MAP4: variants seen among roughly 807,000 people sequenced by gnomAD.
The protein encoded by MAP4 is microtubule-associated protein 4.
Under a neutral mutation model 170.2 loss-of-function variants are expected in MAP4, and 76 were observed. The observed-to-expected ratio is 0.45, with a 90% CI of 0.37 to 0.54. MAP4 has a LOEUF of 0.54. Ranked by LOEUF, MAP4 falls within the 20% of genes least tolerant of loss-of-function variation. The pLI is 0.00. For missense variants in MAP4, 2,506 were observed against 2,748.0 expected (o/e 0.91, Z 1.97); for synonymous variants, 909 against 994.5 (o/e 0.91, Z 1.62).
chr3:47,865,394 T>G (rs1005760044), intron 17 of MAP4, among the ~76,000 whole-genome samples: 2 of 152,166 alleles, frequency 1.3e-5, no homozygotes, highest in Admixed American at 6.5e-5. Context: ...CTTCAGCTGA[T>G]CCTATTCCAG....
At chr3:47,894,043 CATGATG>C (rs1336079788) in intron 10 of MAP4, among the ~76,000 whole-genome samples, 5 of 151,634 alleles carry the variant, frequency 3.3e-5, no homozygotes, top group African/African-American at 7.3e-5. Flanking sequence ...GGGCTACACT[CATGATG>C]ATGAGTGGCA....
intron 1 of MAP4, among the ~76,000 whole-genome samples, chr3:48,072,881 C>A (rs1438631843): frequency 6.6e-6 from 1 of 152,132 alleles, no homozygotes; most frequent in Non-Finnish European, 1.5e-5. Flanking sequence ...GAAAGAGAAA[C>A]AAGAAATGAA....
At chr3:47,974,565 G>T (rs1362008659) in intron 3 of MAP4, 4 of 971,040 alleles carry the variant, frequency 4.1e-6, no homozygotes, top group Non-Finnish European at 4.9e-6. Context: ...AAGTATTTCA[G>T]ATTTTAAACC....
chr3:47,988,519 G>C (rs2100090292), intron 2 of MAP4, among the ~76,000 whole-genome samples: 1 of 152,138 alleles, frequency 6.6e-6, no homozygotes, highest in African/African-American at 2.4e-5. Flanking sequence ...TATGACTTAT[G>C]AATATGAACA....
intron 19 of MAP4, among the ~76,000 whole-genome samples, chr3:47,853,973 A>G (rs991717081): frequency 1.3e-5 from 2 of 152,206 alleles, no homozygotes; most frequent in Middle Eastern, 6.3e-3. Flanking sequence ...GGGGACATGG[A>G]ACACTCAGTG....
At position 48,062,369 on chromosome 3, in the gene MAP4, G is replaced by A. The variant is rs374080147; in HGVS notation, c.-20+26404C>T. Among the ~76,000 whole-genome samples, 31 of 151,058 alleles carry A rather than the reference G, an allele frequency of 2.1e-4. No homozygotes were observed. In the East Asian group the frequency reaches 4.5e-3, roughly 22 times the overall value. On this transcript the variant is annotated intron_variant, in intron 1 of 18. Coordinates refer to the MAP4 transcript ENST00000360240. ...AGGGACACAAACACTGCGGAAGGCC[G>A]CAGGGTCCTCTGCCTAGGAAAACCA... is the stretch of plus-strand genomic sequence containing the variant.
At chr3:47,947,585 G>T (rs1439554065) in intron 3 of MAP4, among the ~76,000 whole-genome samples, 1 of 151,978 alleles carries the variant, frequency 6.6e-6, no homozygotes, top group Admixed American at 6.6e-5. Context: ...GGCCGAGGAG[G>T]GCAAACTGCC....
At chr3:47,973,413 CT>C (rs894814561) in intron 3 of MAP4, 2 of 985,194 alleles carry the variant, frequency 2.0e-6, no homozygotes, top group African/African-American at 1.7e-5. Context: ...CATTATGGGA[CT>C]GGCTACTTTG....
At chr3:48,017,225 A>T (rs532961403), upstream of MAP4, among the ~76,000 whole-genome samples, 1 of 152,312 alleles carries the variant, frequency 6.6e-6, no homozygotes, top group South Asian at 2.1e-4. Context: ...AACACCAAAA[A>T]CAGAAGCAGA....
chr3:47,948,294 T>A (rs1235809275), intron 3 of MAP4, among the ~76,000 whole-genome samples: 2 of 149,738 alleles, frequency 1.3e-5, no homozygotes, highest in African/African-American at 4.9e-5. Flanking sequence ...AGTGCAGTGT[T>A]GTGATCATAA....
intron 10 of MAP4, among the ~76,000 whole-genome samples, chr3:47,882,501 A>G (rs927840890): frequency 1.4e-5 from 2 of 146,662 alleles, no homozygotes; most frequent in Non-Finnish European, 2.9e-5. Context: ...TTAGAATTCT[A>G]TTTTTATTAA....
At chr3:47,923,015 A>T (rs940863393) in intron 4 of MAP4, among the ~76,000 whole-genome samples, 1 of 151,984 alleles carries the variant, frequency 6.6e-6, no homozygotes, top group Non-Finnish European at 1.5e-5. Flanking sequence ...GCGCCACTGC[A>T]CTCCAGCCTG....
intron 10 of MAP4, among the ~76,000 whole-genome samples, chr3:47,889,723 A>G (rs1207636776): frequency 6.6e-6 from 1 of 152,172 alleles, no homozygotes; most frequent in Non-Finnish European, 1.5e-5. Context: ...TACTGAACAA[A>G]GCACCTGGGG....
chr3:47,864,201 C>T (rs1452899095), intron 17 of MAP4, among the ~76,000 whole-genome samples: 1 of 152,138 alleles, frequency 6.6e-6, no homozygotes, highest in African/African-American at 2.4e-5. Flanking sequence ...AGCAATCCTC[C>T]TGCCTGGGCC....
intron 1 of MAP4, among the ~76,000 whole-genome samples, chr3:48,052,277 G>A (rs560372239): frequency 2.7e-3 from 409 of 152,200 alleles, no homozygotes; most frequent in Non-Finnish European, 4.0e-3. Flanking sequence ...GCTGGAGTGC[G>A]GTGGCGCGAT....
chr3:47,857,590 T>TG lies in MAP4; in HGVS notation c.6502-79_6502-78insC, dbSNP rs1199790708. 3,160 of 964,310 alleles carry TG rather than the reference T, an allele frequency of 3.3e-3. 22 individuals are homozygous for TG. Among genetic ancestry groups the TG allele is most frequent in the East Asian group, 0.011 (456 of 41,300 alleles). The allele number at this position is 964,310 out of a possible 1,614,324, so 59.7% of individuals were successfully genotyped here. ...CCAACCCCATGCTACCTTTTAAATC[T>TG]TCTCCATGTTCAGGGTTTCTCGCTC... On this transcript the variant is annotated intron_variant, in intron 17 of 20. Transcript: ENST00000683076.
At chr3:48,042,487 T>C (rs763659007) in intron 1 of MAP4, among the ~76,000 whole-genome samples, 2 of 152,018 alleles carry the variant, frequency 1.3e-5, no homozygotes, top group Non-Finnish European at 2.9e-5. Flanking sequence ...TCTGTACATT[T>C]CTCCAAAGAT....
chr3:48,046,540 G>A (rs1165236848), intron 1 of MAP4, among the ~76,000 whole-genome samples: 1 of 152,150 alleles, frequency 6.6e-6, no homozygotes, highest in African/African-American at 2.4e-5. Flanking sequence ...GTGTGTATGT[G>A]GACCCTTGAT....
At chr3:47,950,380 C>G (rs1251728958) in intron 3 of MAP4, among the ~76,000 whole-genome samples, 1 of 152,138 alleles carries the variant, frequency 6.6e-6, no homozygotes, top group East Asian at 1.9e-4. Context: ...GGTTTGGTGG[C>G]ACTCTTGGGT....
Sources: allele counts gnomAD v4.1 joint callset (sites outside exome capture counted in the v4.1 genomes callset), GRCh38; gene constraint gnomAD v4.1.1; transcripts MANE v1.5; gene names NCBI Gene and HGNC (gene_info 2026-07-23, HGNC 2026-07-21).